The following ATP9B variants were observed in gnomAD, a reference collection of about 807,000 sequenced individuals.
ATP9B encodes probable phospholipid-transporting ATPase IIB.
A neutral mutation model predicts 146.1 loss-of-function variants in ATP9B; 110 were observed. That is an observed-to-expected ratio of 0.75 (90% confidence interval 0.65 to 0.88). The LOEUF (loss-of-function observed/expected upper bound fraction) is 0.88. Ranked by LOEUF, ATP9B falls within the 40% of genes least tolerant of loss-of-function variation. The probability of loss-of-function intolerance (pLI) is 0.00; values close to 1 mark genes in which losing one functional copy is unlikely to be tolerated. For synonymous variants in ATP9B, 604 were observed against 569.7 expected (o/e 1.06, Z -0.86); for missense variants, 1,499 against 1,496.4 (o/e 1.00, Z -0.03).
chr18:79,262,253 T>C (rs1463470300), intron 12 of ATP9B, among the ~76,000 whole-genome samples: 1 of 152,276 alleles, frequency 6.6e-6, no homozygotes, highest in South Asian at 2.1e-4. Context: ...TTCAAGTTTG[T>C]TTAGAATTTT....
intron 7 of ATP9B, among the ~76,000 whole-genome samples, chr18:79,167,367 A>G (rs982428934): frequency 6.6e-6 from 1 of 152,172 alleles, no homozygotes; most frequent in Non-Finnish European, 1.5e-5. Flanking sequence ...CTAAGTGGGT[A>G]GCTCCTCTCC....
At chr18:79,374,122 T>A (rs1414958030) in intron 28 of ATP9B, 21 bp downstream of exon 28, 1 of 1,610,312 alleles carries the variant, frequency 6.2e-7, no homozygotes, top group South Asian at 1.1e-5. Context: ...TTGGAATTGT[T>A]TTTTGAATCG....
At chr18:79,242,230 G>C (rs542983698) in intron 11 of ATP9B, among the ~76,000 whole-genome samples, 1 of 152,124 alleles carries the variant, frequency 6.6e-6, no homozygotes, top group Non-Finnish European at 1.5e-5. Flanking sequence ...AACATTTTAC[G>C]GAAGACTTCT....
In ATP9B at chr18:79,109,800, A is replaced by T. The variant is rs554460014; in HGVS notation, c.294-555A>T. On this transcript the variant is annotated intron_variant, in intron 2 of 29. Coordinates refer to ENST00000426216, the MANE Select transcript of ATP9B (RefSeq NM_198531.5). ...AGGCTGGTCTTGAACTCCTAACCTC[A>T]GGTGATCCGCCTGCCTCGGCCTCCC... Among the ~76,000 whole-genome samples the T allele has an allele frequency of 5.9e-4, 90 of 152,152 alleles. 1 individual carries two copies. Among genetic ancestry groups the T allele is most frequent in the African/African-American group, 2.1e-3 (87 of 41,514 alleles).
chr18:79,233,873 A>G (rs768743507), intron 11 of ATP9B, among the ~76,000 whole-genome samples: 12 of 152,368 alleles, frequency 7.9e-5, no homozygotes, highest in Middle Eastern at 3.4e-3. Context: ...CAATAAAGTA[A>G]ACTACAGAAA....
At position 79,306,970 on chromosome 18, in the gene ATP9B, G is replaced by A. The variant is rs202142947; in HGVS notation, c.1525-16G>A. The A allele has an allele frequency of 2.9e-3, 4,626 of 1,612,830 alleles. 19 individuals are homozygous for A. Among genetic ancestry groups the A allele is most frequent in the South Asian group, 6.0e-3 (546 of 91,024 alleles). Reference sequence around the variant, plus strand: ...TTTGCTCTATCTTTAATTATGTGACGTTTCATATTCTAAAGATGCAGTCTC... The same window carrying A: ...TTTGCTCTATCTTTAATTATGTGACATTTCATATTCTAAAGATGCAGTCTC... On this transcript the variant is annotated splice_polypyrimidine_tract_variant and intron_variant, in intron 14 of 29. Coordinates refer to ENST00000426216, the MANE Select transcript of ATP9B (RefSeq NM_198531.5).
At chr18:79,197,343 T>C (rs998285204) in intron 9 of ATP9B, among the ~76,000 whole-genome samples, 1 of 151,842 alleles carries the variant, frequency 6.6e-6, no homozygotes, top group Admixed American at 6.6e-5. Flanking sequence ...AAATTTATAA[T>C]CTTTATATAT....
chr18:79,152,125 C>T (rs2147593947), intron 6 of ATP9B, among the ~76,000 whole-genome samples: 1 of 152,256 alleles, frequency 6.6e-6, no homozygotes, highest in East Asian at 1.9e-4. Context: ...CACAATGAGA[C>T]ACCATCTCAC....
chr18:79,190,365 A>G (rs1315451246), intron 8 of ATP9B, among the ~76,000 whole-genome samples: 1 of 152,202 alleles, frequency 6.6e-6, no homozygotes, highest in Non-Finnish European at 1.5e-5. Flanking sequence ...ACAAATCTCC[A>G]AAAGTTTTCT....
chr18:79,231,667 A>G (rs1443219801), intron 11 of ATP9B, among the ~76,000 whole-genome samples: 1 of 151,976 alleles, frequency 6.6e-6, no homozygotes, highest in East Asian at 1.9e-4. Context: ...TCATTGTGCA[A>G]AAAAGACACT....
chr18:79,103,048 A>G (rs1175161904), intron 2 of ATP9B, among the ~76,000 whole-genome samples: 1 of 152,202 alleles, frequency 6.6e-6, no homozygotes, highest in Non-Finnish European at 1.5e-5. Context: ...AAAGACAGTC[A>G]TGCCATCTGC....
intron 1 of ATP9B, among the ~76,000 whole-genome samples, chr18:79,074,886 A>C (rs1407206500): frequency 6.6e-6 from 1 of 152,222 alleles, no homozygotes; most frequent in Non-Finnish European, 1.5e-5. Context: ...GTGGTAACAT[A>C]CACATAGTTT....
At chr18:79,308,314 C>T (rs999148491) in intron 15 of ATP9B, among the ~76,000 whole-genome samples, 4 of 152,100 alleles carry the variant, frequency 2.6e-5, no homozygotes, top group African/African-American at 9.7e-5. Flanking sequence ...CCATATGCCC[C>T]GCCCGAGAGA....
intron 12 of ATP9B, among the ~76,000 whole-genome samples, chr18:79,271,700 C>T (rs1323176684): frequency 1.3e-5 from 2 of 152,134 alleles, no homozygotes; most frequent in African/African-American, 4.8e-5. Flanking sequence ...AATAAACATA[C>T]GTGTGCATTT....
chr18:79,201,056 G>A (rs916792343), intron 9 of ATP9B, among the ~76,000 whole-genome samples: 3 of 152,166 alleles, frequency 2.0e-5, no homozygotes, highest in Non-Finnish European at 4.4e-5. Context: ...GACCACTTGT[G>A]GGAGGCTGTG....
At chr18:79,316,919 C>T (rs2146791310) in intron 15 of ATP9B, among the ~76,000 whole-genome samples, 1 of 152,278 alleles carries the variant, frequency 6.6e-6, no homozygotes, top group South Asian at 2.1e-4. Context: ...TAAGTTCACA[C>T]ATATGAAACT....
At chr18:79,206,623 CATAAATAAATAAATAAATAA>C (rs71161762) in intron 9 of ATP9B, among the ~76,000 whole-genome samples, 1 of 147,006 alleles carries the variant, frequency 6.8e-6, no homozygotes, top group African/African-American at 2.5e-5. Flanking sequence ...AATAACACCT[CATAAATAAATAAATAAATAA>C]ATAAATAAAT....
intron 1 of ATP9B, among the ~76,000 whole-genome samples, chr18:79,092,776 A>C (rs1282039192): frequency 6.6e-6 from 1 of 151,746 alleles, no homozygotes; most frequent in South Asian, 2.1e-4. Flanking sequence ...TAACACACGG[A>C]GCTGTCATCT....
At chr18:79,327,928 C>G (rs144755319) in intron 15 of ATP9B, among the ~76,000 whole-genome samples, 1,833 of 17,288 alleles carry the variant, frequency 0.11, no homozygotes, top group Non-Finnish European at 0.13. Context: ...CGTGCTCTCT[C>G]TGGTTAGCGT....
Sources: allele counts gnomAD v4.1 joint callset (sites outside exome capture counted in the v4.1 genomes callset), GRCh38; gene constraint gnomAD v4.1.1; transcripts MANE v1.5; gene names NCBI Gene and HGNC (gene_info 2026-07-23, HGNC 2026-07-21).